Variants in SLC25A21 observed in about 807,000 individuals in gnomAD.
SLC25A21 encodes solute carrier family 25 member 21.
A neutral mutation model predicts 43.8 loss-of-function variants in SLC25A21; 47 were observed. The observed-to-expected ratio is 1.07, with a 90% CI of 0.85 to 1.37. The LOEUF (loss-of-function observed/expected upper bound fraction) is 1.37, where lower values mean the gene tolerates loss of function less well. Ranked by LOEUF, SLC25A21 falls within the 40% of genes most tolerant of loss-of-function variation. The pLI is 0.00. For missense variants in SLC25A21, 352 were observed against 350.2 expected (o/e 1.00, Z -0.04); for synonymous variants, 131 against 121.3 (o/e 1.08, Z -0.52).
intron 1 of SLC25A21, among the ~76,000 whole-genome samples, chr14:36,898,430 G>C (rs550212189): frequency 3.0e-4 from 45 of 152,290 alleles, no homozygotes; most frequent in African/African-American, 1.1e-3. Flanking sequence ...GGTGCCGTCT[G>C]TCACCCCTTT....
At chr14:36,864,936 C>G (rs1890170400) in intron 2 of SLC25A21, among the ~76,000 whole-genome samples, 1 of 152,080 alleles carries the variant, frequency 6.6e-6, no homozygotes, top group Non-Finnish European at 1.5e-5. Flanking sequence ...ATTTTTGAAT[C>G]CTATAGGTTC....
intron 1 of SLC25A21, among the ~76,000 whole-genome samples, chr14:36,909,170 C>T (rs1258582121): frequency 6.6e-6 from 1 of 152,158 alleles, no homozygotes; most frequent in African/African-American, 2.4e-5. Flanking sequence ...CACTGAAAAA[C>T]AGGTTTGAGG....
intron 1 of SLC25A21, among the ~76,000 whole-genome samples, chr14:37,056,363 G>A (rs1266103246): frequency 3.3e-5 from 5 of 151,788 alleles, no homozygotes; most frequent in African/African-American, 1.2e-4. Flanking sequence ...GGTGGCGGGC[G>A]CCTGTAGTCC....
In SLC25A21 at chr14:36,678,188, C is replaced by T. The variant is rs981534441; in HGVS notation, c.*2470G>A. On this transcript the variant is annotated 3_prime_UTR_variant, in exon 10 of 10. Coordinates refer to ENST00000331299, the MANE Select transcript of SLC25A21 (RefSeq NM_030631.4). The stretch of plus-strand genomic sequence containing the variant: ...CAATGCGGTTCCACCACATCGGTTT[C>T]GTGGCTTCGTTTAAAACTCAGATGG... 6 of 451,202 alleles carry T rather than the reference C, an allele frequency of 1.3e-5. No homozygotes were observed. The highest frequency in any genetic ancestry group is 5.9e-5 in the African/African-American group (3 of 51,222). 27.9% of individuals were successfully genotyped at this position (451,202 alleles called of 1,614,324 possible).
At chr14:36,994,530 T>C (rs1960331117) in intron 1 of SLC25A21, among the ~76,000 whole-genome samples, 3 of 152,322 alleles carry the variant, frequency 2.0e-5, no homozygotes, top group African/African-American at 7.2e-5. Context: ...GACCCTTCCC[T>C]GCTGTTCTCT....
intron 3 of SLC25A21, among the ~76,000 whole-genome samples, chr14:36,777,414 G>C (rs1886878779): frequency 6.6e-6 from 1 of 152,122 alleles, no homozygotes; most frequent in African/African-American, 2.4e-5. Context: ...CCTAACTCTT[G>C]GTATCTGTGA....
chr14:37,127,551 AGTGT>A (rs1371962839), intron 1 of SLC25A21, among the ~76,000 whole-genome samples: 7 of 152,174 alleles, frequency 4.6e-5, no homozygotes, highest in Non-Finnish European at 1.0e-4. Flanking sequence ...AGCTCGAAAG[AGTGT>A]GTAACACTTA....
intron 1 of SLC25A21, among the ~76,000 whole-genome samples, chr14:37,114,651 G>A (rs369951103): frequency 6.6e-6 from 1 of 152,076 alleles, no homozygotes; most frequent in Non-Finnish European, 1.5e-5. Flanking sequence ...GTATGAAATC[G>A]CTGTGAGAAA....
At chr14:36,747,087 A>G (rs1885529128) in intron 3 of SLC25A21, among the ~76,000 whole-genome samples, 1 of 152,198 alleles carries the variant, frequency 6.6e-6, no homozygotes, top group Non-Finnish European at 1.5e-5. Context: ...ATGACTCAGT[A>G]TCCATATTAA....
intron 1 of SLC25A21, among the ~76,000 whole-genome samples, chr14:37,071,258 A>G (rs1347949662): frequency 2.0e-5 from 3 of 152,226 alleles, no homozygotes; most frequent in African/African-American, 7.2e-5. Flanking sequence ...AATTAATCCC[A>G]CTGCAGAATA....
intron 2 of SLC25A21, among the ~76,000 whole-genome samples, chr14:36,819,617 T>G (rs1454346807): frequency 4.6e-5 from 7 of 152,202 alleles, no homozygotes; most frequent in Non-Finnish European, 8.8e-5. Context: ...GTTTGAAAAT[T>G]ATAAAATCTC....
At chr14:36,991,624 T>C (rs1400573570) in intron 1 of SLC25A21, among the ~76,000 whole-genome samples, 1 of 152,228 alleles carries the variant, frequency 6.6e-6, no homozygotes, top group Non-Finnish European at 1.5e-5. Flanking sequence ...ATGAAGAAAC[T>C]GAGGCTTGAA....
At chr14:36,911,708 A>G (rs776848325) in intron 1 of SLC25A21, among the ~76,000 whole-genome samples, 18 of 152,278 alleles carry the variant, frequency 1.2e-4, no homozygotes, top group Non-Finnish European at 1.9e-4. Context: ...CTGAAGCCCC[A>G]GCCACTATCT....
At chr14:36,753,049 C>A (rs763610156) in intron 3 of SLC25A21, among the ~76,000 whole-genome samples, 15 of 152,028 alleles carry the variant, frequency 9.9e-5, no homozygotes, top group Non-Finnish European at 2.1e-4. Context: ...CTCACTGAGA[C>A]AGAAAGTAGA....
At chr14:37,029,770 T>G (rs1961169991) in intron 1 of SLC25A21, among the ~76,000 whole-genome samples, 1 of 147,290 alleles carries the variant, frequency 6.8e-6, no homozygotes, top group East Asian at 2.0e-4. Flanking sequence ...TTTTTTTTTT[T>G]TTTTTTTTTT....
At chr14:36,814,056 T>C (rs1888367515) in intron 2 of SLC25A21, 55 bp from the exon 3 acceptor site, 6 of 1,205,424 alleles carry the variant, frequency 5.0e-6, no homozygotes, top group Non-Finnish European at 7.2e-6. Flanking sequence ...CAAATGGCTT[T>C]TCTCATTTTT....
At position 36,996,254 on chromosome 14, in the gene SLC25A21, T is replaced by A. The variant is rs112819293; in HGVS notation, c.71-121250A>T. On this transcript the variant is annotated intron_variant, in intron 1 of 9. Transcript: ENST00000331299. ...AACTCCTGGTCCAGCAAACCTTCATTATCTTAGTTCTCTGTGCTTCACTTG... is the reference window on the plus strand; with the variant it reads ...AACTCCTGGTCCAGCAAACCTTCATAATCTTAGTTCTCTGTGCTTCACTTG... 2.5e-3 allele frequency among the ~76,000 whole-genome samples: 377 copies of A among 152,304 alleles called. 1 individual carries two copies. Among genetic ancestry groups the A allele is most frequent in the African/African-American group, 8.4e-3 (351 of 41,568 alleles).
intron 1 of SLC25A21, among the ~76,000 whole-genome samples, chr14:36,915,983 T>A (rs925708777): frequency 6.6e-6 from 1 of 152,154 alleles, no homozygotes; most frequent in South Asian, 2.1e-4. Context: ...ATACCTGGAA[T>A]CTTTCTCATA....
chr14:36,969,718 T>C (rs1233766643), intron 1 of SLC25A21, among the ~76,000 whole-genome samples: 1 of 152,008 alleles, frequency 6.6e-6, no homozygotes, highest in East Asian at 1.9e-4. Context: ...TCCCAAACTC[T>C]TGGGCTCAGG....
Sources: allele counts gnomAD v4.1 joint callset (sites outside exome capture counted in the v4.1 genomes callset), GRCh38; gene constraint gnomAD v4.1.1; transcripts MANE v1.5; gene names NCBI Gene and HGNC (gene_info 2026-07-23, HGNC 2026-07-21).